Variants in HNMT observed in about 807,000 individuals in gnomAD.
HNMT encodes the protein histamine N-methyltransferase.
In HNMT, 30 loss-of-function variants were observed where a neutral mutation model predicts 32.1. That is an observed-to-expected ratio of 0.93 (90% CI 0.70 to 1.27). The LOEUF is 1.27. Among genes scored for constraint, HNMT ranks in the 50% most tolerant of loss-of-function variants. The pLI, the probability that HNMT is intolerant of heterozygous loss-of-function variation, is 0.00. For missense variants in HNMT, 327 were observed against 346.0 expected (o/e 0.95, Z 0.43); for synonymous variants, 125 against 119.0 (o/e 1.05, Z -0.33).
In HNMT at chr2:138,014,453, A is replaced by C. The variant is rs1168187369; in HGVS notation, c.*323A>C. The stretch of plus-strand genomic sequence containing the variant: ...TGCTGATTGTCTGAAATTTTCTAGA[A>C]TACTAATAAAATACATACTATAGAT... On this transcript the variant is annotated 3_prime_UTR_variant, in exon 6 of 6. Coordinates refer to ENST00000280097, the MANE Select transcript of HNMT (RefSeq NM_006895.3). The C allele has an allele frequency of 4.5e-5, 10 of 223,566 alleles. No individual in the cohort carries two copies. The highest frequency in any genetic ancestry group is 2.3e-4 in the African/African-American group (10 of 44,140). 13.8% of individuals were successfully genotyped at this position (223,566 alleles called of 1,614,324 possible). A position where few individuals can be genotyped will look rare whatever the true frequency, so the allele number is the denominator to read the frequency against.
rs1558951044 is a variant in HNMT at position 137,970,940 on chromosome 2, AG to A, written c.190+724del. Among the ~76,000 whole-genome samples the A allele has an allele frequency of 9.7e-3, 83 of 8,594 alleles. 3 individuals carry two copies. Among genetic ancestry groups the A allele is most frequent in the African/African-American group, 0.012 (64 of 5,186 alleles). 5.6% of individuals were successfully genotyped at this position (8,594 alleles called of 152,430 possible). On this transcript the variant is annotated intron_variant, in intron 2 of 5. Coordinates refer to ENST00000280097, the MANE Select transcript of HNMT (RefSeq NM_006895.3). ...GTCTCAAAAAAAAAAAAAAAAAGAAAGAAAGAAAGAAAGAAAGAAAGAAAGA... is the reference window on the plus strand; with the variant it reads ...GTCTCAAAAAAAAAAAAAAAAAGAAAAAAGAAAGAAAGAAAGAAAGAAAGA...
intron 2 of HNMT, chr2:137,988,815 T>G (rs986588819): frequency 6.6e-6 from 1 of 152,162 alleles, no homozygotes; most frequent in African/African-American, 2.4e-5. Flanking sequence ...GCAGAGGTTG[T>G]AGTGAGCCGA....
At chr2:138,010,636 C>A (rs1681475521) in intron 5 of HNMT, among the ~76,000 whole-genome samples, 1 of 152,022 alleles carries the variant, frequency 6.6e-6, no homozygotes, top group African/African-American at 2.4e-5. Flanking sequence ...TGGAAATCAA[C>A]CTTTCCTCTG....
intron 2 of HNMT, among the ~76,000 whole-genome samples, chr2:137,990,076 G>A (rs972995107): frequency 2.6e-5 from 4 of 152,100 alleles, no homozygotes; most frequent in Admixed American, 6.5e-5. Context: ...TAGAGCAGAA[G>A]TTTTTAATTT....
At chr2:137,981,621 T>C in intron 2 of HNMT, 1 of 511,852 alleles carries the variant, frequency 2.0e-6, no homozygotes, top group East Asian at 3.0e-5. Context: ...GTTGAAGTAA[T>C]GTATAATAAC....
chr2:137,978,134 C>T (rs984411644), intron 2 of HNMT, among the ~76,000 whole-genome samples: 23 of 151,936 alleles, frequency 1.5e-4, no homozygotes, highest in Admixed American at 7.2e-4. Flanking sequence ...CATTAATTCC[C>T]ATTATGGAAA....
At chr2:137,995,723 A>C (rs1680972377) in intron 2 of HNMT, among the ~76,000 whole-genome samples, 1 of 152,112 alleles carries the variant, frequency 6.6e-6, no homozygotes, top group African/African-American at 2.4e-5. Flanking sequence ...AAAAAAGGAA[A>C]CTTCAGGCCA....
chr2:138,014,224 TG>T lies in HNMT; in HGVS notation c.*95del. 1 of 812,774 alleles carries T rather than the reference TG, an allele frequency of 1.2e-6. No homozygotes were observed. Among genetic ancestry groups the T allele is most frequent in the Non-Finnish European group, 1.9e-6 (1 of 521,286 alleles). 50.3% of individuals were successfully genotyped at this position (812,774 alleles called of 1,614,324 possible). A position where few individuals can be genotyped will look rare whatever the true frequency, so the allele number is the denominator to read the frequency against. On this transcript the variant is annotated 3_prime_UTR_variant, in exon 6 of 6. Coordinates refer to ENST00000280097, the MANE Select transcript of HNMT (RefSeq NM_006895.3). ...TTAAAATCACAAACTCATCCATTAATGTAGATAAAGCACTGTTTGGATATGA... is the reference window on the plus strand; with the variant it reads ...TTAAAATCACAAACTCATCCATTAATTAGATAAAGCACTGTTTGGATATGA...
intron 2 of HNMT, among the ~76,000 whole-genome samples, chr2:137,979,339 C>T (rs985019209): frequency 2.0e-5 from 3 of 151,018 alleles, no homozygotes; most frequent in Admixed American, 6.6e-5. Context: ...GGTGTGATCT[C>T]GGCTCACTGC....
chr2:137,985,605 G>A (rs1489474635), intron 2 of HNMT, among the ~76,000 whole-genome samples: 1 of 152,106 alleles, frequency 6.6e-6, no homozygotes, highest in African/African-American at 2.4e-5. Flanking sequence ...CGTCTAACCA[G>A]CTGTCTACCT....
Position 138,014,014 on chromosome 2 carries a change from C to T in HNMT, c.763C>T (p.Pro255Ser). ...AACCTGCAACTTTAATGCCACAGCA[C>T]CACCTGATCTCAGAGCAGAGCTTGG... ...TETCNFNATA[P>S]PDLRAELGKD... The change falls in exon 6 of 6, where the codon CCA (proline) becomes TCA (serine). Residue 255 changes from proline (P) to serine (S), a missense_variant. Physicochemically the swap from Pro to Ser is moderately conservative, Grantham distance 74. Transcript: ENST00000280097. 3 of 1,613,632 alleles carry T rather than the reference C, an allele frequency of 1.9e-6. No homozygotes were observed. The highest frequency in any genetic ancestry group is 2.5e-6 in the Non-Finnish European group (3 of 1,179,692).
chr2:138,003,200 A>G (rs906860860), intron 4 of HNMT, among the ~76,000 whole-genome samples: 28 of 151,220 alleles, frequency 1.9e-4, no homozygotes, highest in African/African-American at 6.6e-4. Flanking sequence ...TAACCTGCAC[A>G]TTGTGCACAT....
At chr2:137,999,567 T>C (rs1484555799) in intron 2 of HNMT, among the ~76,000 whole-genome samples, 1 of 152,158 alleles carries the variant, frequency 6.6e-6, no homozygotes, top group East Asian at 1.9e-4. Flanking sequence ...GACCTCTGCT[T>C]TTGCTTCCTG....
At chr2:137,988,505 G>T (rs1466911945) in intron 2 of HNMT, 1 of 152,100 alleles carries the variant, frequency 6.6e-6, no homozygotes, top group Admixed American at 6.6e-5. Flanking sequence ...AATGTTAAAT[G>T]GTTAAACAAG....
At chr2:137,992,624 C>T (rs1482554160) in intron 2 of HNMT, among the ~76,000 whole-genome samples, 1 of 152,196 alleles carries the variant, frequency 6.6e-6, no homozygotes, top group African/African-American at 2.4e-5. Flanking sequence ...CAGACTTAGC[C>T]TTTCCTCCTG....
intron 2 of HNMT, chr2:137,981,579 A>T: frequency 1.8e-6 from 1 of 557,492 alleles, no homozygotes; most frequent in Non-Finnish European, 3.2e-6. Flanking sequence ...AATGGTTAGA[A>T]CCTGACATTT....
At position 137,981,966 on chromosome 2, in the gene HNMT, G is replaced by A. The variant is rs1483171186; in HGVS notation, c.190+11749G>A. 2.0e-5 allele frequency among the ~76,000 whole-genome samples: 3 copies of A among 152,114 alleles called. No homozygotes were observed. In the East Asian group the frequency reaches 5.8e-4, roughly 29 times the overall value. On this transcript the variant is annotated intron_variant, in intron 2 of 5. Transcript: ENST00000280097. Reference sequence around the variant, plus strand: ...TCTCTCAGGCTCATGTGATTCTTGTGCCTCAGCCACCCGAGTAGCTGAGAT... The same window carrying A: ...TCTCTCAGGCTCATGTGATTCTTGTACCTCAGCCACCCGAGTAGCTGAGAT...
At position 138,002,193 on chromosome 2, in the gene HNMT, A is replaced by C; in HGVS notation, c.428A>C (p.Gln143Pro). The C allele has an allele frequency of 6.5e-7, 1 of 1,548,108 alleles. No homozygotes were observed. Among genetic ancestry groups the C allele is most frequent in the Non-Finnish European group, 8.8e-7 (1 of 1,130,660 alleles). The part of the protein sequence containing the change: ...LQKWDFIHMI[Q>P]MLYYVKDIPA... ...AAGTGGGACTTTATTCATATGATTC[A>C]AGTAAGAAATATGTATTATAATATA... The change falls in exon 4 of 6, where the codon CAA becomes CCA. Residue 143 changes from glutamine (Q) to proline (P), a missense_variant and splice_region_variant. Coordinates refer to ENST00000280097, the MANE Select transcript of HNMT (RefSeq NM_006895.3).
At position 137,964,630 on chromosome 2, in the gene HNMT, TA is replaced by T; in HGVS notation, c.137+4del. 3 of 1,613,692 alleles carry T rather than the reference TA, an allele frequency of 1.9e-6. No homozygotes were observed. In the African/African-American group the frequency reaches 4.0e-5, roughly 22 times the overall value. On this transcript the variant is annotated splice_donor_region_variant and intron_variant, in intron 1 of 5. Transcript: ENST00000280097. ...GAAGCTGCCAGGCATAATAGGAAGG[TA>T]ACAAAAGGGACGTTGTTGTCAAAGG...
Sources: gnomAD v4.1 joint callset for allele counts (sites outside exome capture counted in the v4.1 genomes callset) on GRCh38, gnomAD v4.1.1 for gene constraint, MANE v1.5 for transcripts, NCBI Gene and HGNC (gene_info 2026-07-23, HGNC 2026-07-21) for gene names.